USO1: variants seen among roughly 807,000 people sequenced by gnomAD.
USO1 encodes general vesicular transport factor p115.
A neutral mutation model predicts 124.5 loss-of-function variants in USO1; 57 were observed. The observed-to-expected ratio is 0.46, with a 90% CI of 0.37 to 0.57. The LOEUF (loss-of-function observed/expected upper bound fraction) is 0.57, where lower values mean the gene tolerates loss of function less well. Ranked by LOEUF, USO1 falls within the 20% of genes least tolerant of loss-of-function variation. The pLI is 0.00. For missense variants in USO1, 900 were observed against 1,040.6 expected (o/e 0.86, Z 1.86); for synonymous variants, 369 against 362.8 (o/e 1.02, Z -0.19).
chr4:75,777,553 A>G (rs1335402700), intron 8 of USO1, among the ~76,000 whole-genome samples: 1 of 152,232 alleles, frequency 6.6e-6, no homozygotes, highest in East Asian at 1.9e-4. Context: ...ACATCTCACC[A>G]AAAAGATATA....
intron 4 of USO1, among the ~76,000 whole-genome samples, chr4:75,760,208 T>A (rs1333081475): frequency 4.6e-5 from 7 of 152,102 alleles, no homozygotes; most frequent in Non-Finnish European, 1.5e-5. Context: ...GGAGACTCTG[T>A]CTCAAAAATA....
intron 4 of USO1, among the ~76,000 whole-genome samples, chr4:75,762,339 T>C (rs553624590): frequency 6.6e-6 from 1 of 151,986 alleles, no homozygotes; most frequent in East Asian, 1.9e-4. Flanking sequence ...AATTTTTGTA[T>C]TTTTAGTAGA....
At chr4:75,786,424 GAC>G (rs1722362468) in intron 9 of USO1, among the ~76,000 whole-genome samples, 1 of 150,278 alleles carries the variant, frequency 6.7e-6, no homozygotes, top group African/African-American at 2.4e-5. Context: ...TTTAAAATGT[GAC>G]ACACATGTAA....
In USO1 at chr4:75,733,935, ATTTTT is replaced by A. The variant is rs869308522; in HGVS notation, c.66+9072_66+9076del. Among the ~76,000 whole-genome samples the A allele has an allele frequency of 6.7e-3, 520 of 77,080 alleles. 4 individuals are homozygous for A. Among genetic ancestry groups the A allele is most frequent in the African/African-American group, 0.023 (495 of 21,400 alleles). 50.6% of individuals were successfully genotyped at this position (77,080 alleles called of 152,430 possible). A position where few individuals can be genotyped will look rare whatever the true frequency, so the allele number is the denominator to read the frequency against. The stretch of plus-strand genomic sequence containing the variant: ...GATATCTCCTAGATTTTCTTCGAGG[ATTTTT>A]TTTTTTTTTTTTTTTTTTTTTGAGT... On this transcript the variant is annotated intron_variant, in intron 1 of 23. Coordinates refer to ENST00000514213, the MANE Select transcript of USO1 (RefSeq NM_003715.4).
Position 75,812,436 on chromosome 4 carries a change from G to C in USO1, c.2799+61G>C. On this transcript the variant is annotated intron_variant, in intron 23 of 23. Transcript: ENST00000514213. ...ATGTTTTAGTATAATGCATTTAAAA[G>C]ATTTTTAATGTAACATGGAAAAGTT... is the stretch of plus-strand genomic sequence containing the variant. 4 of 1,505,808 alleles carry C rather than the reference G, an allele frequency of 2.7e-6. 1 individual carries two copies. The South Asian group carries it at 5.2e-5, about 19-fold the overall frequency. 93.3% of individuals were successfully genotyped at this position (1,505,808 alleles called of 1,614,324 possible). A position where few individuals can be genotyped will look rare whatever the true frequency, so the allele number is the denominator to read the frequency against.
At chr4:75,785,777 C>T (rs1722345062) in intron 9 of USO1, among the ~76,000 whole-genome samples, 1 of 151,876 alleles carries the variant, frequency 6.6e-6, no homozygotes, top group African/African-American at 2.4e-5. Context: ...CAAAAAATAT[C>T]AAGTGGAGAT....
chr4:75,743,540 T>C (rs958130920), intron 1 of USO1, among the ~76,000 whole-genome samples: 7 of 152,144 alleles, frequency 4.6e-5, no homozygotes, highest in Admixed American at 2.0e-4. Context: ...ATATATTCTG[T>C]CTCTTTGCCA....
At chr4:75,746,669 G>C (rs1351768686) in intron 1 of USO1, among the ~76,000 whole-genome samples, 3 of 152,156 alleles carry the variant, frequency 2.0e-5, no homozygotes, top group Admixed American at 2.0e-4. Flanking sequence ...TTCTTATAGA[G>C]AGATCACTTT....
chr4:75,762,310 A>G (rs917315653), intron 4 of USO1, among the ~76,000 whole-genome samples: 1 of 150,284 alleles, frequency 6.7e-6, no homozygotes, highest in Non-Finnish European at 1.5e-5. Flanking sequence ...AGCTGGGATT[A>G]GTGTCACCAC....
intron 1 of USO1, among the ~76,000 whole-genome samples, chr4:75,732,897 A>AAAAAT (rs1720676274): frequency 6.6e-6 from 1 of 150,478 alleles, no homozygotes; most frequent in Non-Finnish European, 1.5e-5. Flanking sequence ...AAAAAAAAAA[A>AAAAAT]AGTCATAGTT....
chr4:75,805,245 G>A lies in USO1; in HGVS notation c.2231G>A (p.Arg744His), dbSNP rs762470243. The change falls in exon 19 of 24, where the codon CGT becomes CAT. Residue 744 changes from arginine (R) to histidine (H), a missense_variant. Physicochemically the swap from Arg to His is conservative, Grantham distance 29. This residue lies in a region of USO1 where 362 missense variants were observed against 359.0 expected (regional missense o/e 1.01). Coordinates refer to ENST00000514213, the MANE Select transcript of USO1 (RefSeq NM_003715.4). ...CGAGAAGAGATAGAAGAATTAAAAC[G>A]TAATCAGGAACTTTTACAAAGCCAG... Reference protein sequence around the residue: ...RLREEIEELKRNQELLQSQLT... With the variant: ...RLREEIEELKHNQELLQSQLT... 1.1e-5 allele frequency: 18 copies of A among 1,612,214 alleles called. No homozygotes were observed. Among genetic ancestry groups the A allele is most frequent in the African/African-American group, 2.7e-5 (2 of 74,966 alleles).
intron 8 of USO1, among the ~76,000 whole-genome samples, chr4:75,779,311 G>A (rs913004984): frequency 4.6e-5 from 7 of 152,122 alleles, no homozygotes; most frequent in African/African-American, 1.7e-4. Flanking sequence ...TGAAAGAAGA[G>A]TTGTATATCT....
chr4:75,746,718 A>G (rs964418907), intron 1 of USO1, among the ~76,000 whole-genome samples: 3 of 152,228 alleles, frequency 2.0e-5, no homozygotes, highest in African/African-American at 7.2e-5. Context: ...GTTAGGAGGT[A>G]ATAAGGCCTC....
chr4:75,746,342 CAT>C (rs1217562038), intron 1 of USO1, among the ~76,000 whole-genome samples: 1 of 152,166 alleles, frequency 6.6e-6, no homozygotes, highest in Non-Finnish European at 1.5e-5. Flanking sequence ...GGTGGACAGT[CAT>C]GTGCCCAGCT....
chr4:75,743,115 G>A (rs1157156154), intron 1 of USO1, among the ~76,000 whole-genome samples: 1 of 151,938 alleles, frequency 6.6e-6, no homozygotes, highest in Non-Finnish European at 1.5e-5. Context: ...CTCCCGAGTG[G>A]CTGGGACTAC....
chr4:75,757,718 G>A, intron 4 of USO1, 145 bp downstream of exon 4: 3 of 732,838 alleles, frequency 4.1e-6, no homozygotes, highest in Non-Finnish European at 3.7e-6. Context: ...AAACACATAG[G>A]CTTAGATCTA....
intron 1 of USO1, among the ~76,000 whole-genome samples, chr4:75,733,251 T>A (rs989842277): frequency 2.6e-5 from 4 of 151,896 alleles, no homozygotes; most frequent in Admixed American, 2.6e-4. Context: ...ACAGTGAGAC[T>A]CTGTCTCAAA....
chr4:75,764,203 C>T (rs1721701101), intron 4 of USO1, among the ~76,000 whole-genome samples: 1 of 152,154 alleles, frequency 6.6e-6, no homozygotes, highest in Admixed American at 6.5e-5. Flanking sequence ...AACTCTACTT[C>T]TTCCTAAGTT....
At chr4:75,788,178 T>A (rs1160531811) in intron 10 of USO1, among the ~76,000 whole-genome samples, 1 of 145,142 alleles carries the variant, frequency 6.9e-6, no homozygotes, top group Non-Finnish European at 1.5e-5. Context: ...TTTATTTTTT[T>A]TTTTTTTTGT....
Sources: allele counts gnomAD v4.1 joint callset (sites outside exome capture counted in the v4.1 genomes callset), GRCh38; gene constraint gnomAD v4.1.1; regional missense constraint gnomAD v4.1.1; transcripts MANE v1.5; gene names NCBI Gene and HGNC (gene_info 2026-07-23, HGNC 2026-07-21).